Variants in YTHDC1 observed in about 807,000 individuals in gnomAD.
YTHDC1 encodes the protein YTH N6-methyladenosine RNA binding protein C1.
YTHDC1 carries 12 observed loss-of-function variants against 107.0 expected under a neutral mutation model. The ratio of observed to expected loss-of-function variants is 0.11; its 90% CI spans 0.07 to 0.18. The LOEUF is 0.18. YTHDC1 is among the 10% of genes least tolerant of loss of function. YTHDC1 has a pLI of 1.00. For synonymous variants in YTHDC1, 280 were observed against 289.5 expected (o/e 0.97, Z 0.33); for missense variants, 635 against 898.8 (o/e 0.71, Z 3.75).
At position 68,322,128 on chromosome 4, in the gene YTHDC1, T is replaced by C. The variant is rs561374786; in HGVS notation, c.1601+621A>G. Among the ~76,000 whole-genome samples, 2 of 152,320 alleles carry C rather than the reference T, an allele frequency of 1.3e-5. No homozygotes were observed. Among genetic ancestry groups the C allele is most frequent in the South Asian group, 2.1e-4 (1 of 4,830 alleles). ...TCCCCTTTGGAAAGAACCTATTGTTTTCAGAAGCTCAGCAAGATGTGTGAA... is the reference window on the plus strand; with the variant it reads ...TCCCCTTTGGAAAGAACCTATTGTTCTCAGAAGCTCAGCAAGATGTGTGAA... On this transcript the variant is annotated intron_variant, in intron 11 of 16. Coordinates refer to ENST00000344157, the MANE Select transcript of YTHDC1 (RefSeq NM_001031732.4). The surrounding 1 kb of genome is among the most constrained non-coding windows in gnomAD (Gnocchi z 4.8).
intron 12 of YTHDC1, among the ~76,000 whole-genome samples, chr4:68,319,524 A>G (rs1312502240): frequency 6.6e-6 from 1 of 152,192 alleles, no homozygotes; most frequent in African/African-American, 2.4e-5. Context: ...CACTTGTTAC[A>G]TAATAGTGCT....
chr4:68,344,379 T>C (rs1009078000), intron 1 of YTHDC1, among the ~76,000 whole-genome samples: 5 of 151,784 alleles, frequency 3.3e-5, no homozygotes, highest in East Asian at 1.9e-4. Flanking sequence ...AACATCAAAC[T>C]AGTTTTAGTA....
At position 68,347,619 on chromosome 4, in the gene YTHDC1, A is replaced by G. The variant is rs529915470; in HGVS notation, c.28+2107T>C. ...GCCAATTTCTGCAACTTATAGACTCATTTGCTATCAAGATCTTAAACCATT... is the reference window on the plus strand; with the variant it reads ...GCCAATTTCTGCAACTTATAGACTCGTTTGCTATCAAGATCTTAAACCATT... On this transcript the variant is annotated intron_variant, in intron 1 of 16. Coordinates refer to ENST00000344157, the MANE Select transcript of YTHDC1 (RefSeq NM_001031732.4). Among the ~76,000 whole-genome samples, 18 of 152,286 alleles carry G rather than the reference A, an allele frequency of 1.2e-4. No individual in the cohort carries two copies. In the East Asian group the frequency reaches 3.5e-3, roughly 29 times the overall value.
intron 1 of YTHDC1, among the ~76,000 whole-genome samples, chr4:68,347,608 C>T (rs924190082): frequency 6.6e-6 from 1 of 152,066 alleles, no homozygotes; most frequent in Non-Finnish European, 1.5e-5. Context: ...ATTTCTGCAA[C>T]TTATAGACTC....
chr4:68,345,219 T>C (rs992279654), intron 1 of YTHDC1, among the ~76,000 whole-genome samples: 1 of 152,142 alleles, frequency 6.6e-6, no homozygotes, highest in Admixed American at 6.5e-5. Flanking sequence ...ACTCTAGGGA[T>C]ATCAGGGTAG....
At position 68,325,161 on chromosome 4, in the gene YTHDC1, C is replaced by T. The variant is rs776264877; in HGVS notation, c.1350-938G>A. 2.6e-5 allele frequency among the ~76,000 whole-genome samples: 4 copies of T among 152,300 alleles called. No individual in the cohort carries two copies. In the East Asian group the frequency reaches 5.8e-4, roughly 22 times the overall value. On this transcript the variant is annotated intron_variant, in intron 9 of 16. Coordinates refer to ENST00000344157, the MANE Select transcript of YTHDC1 (RefSeq NM_001031732.4). The stretch of plus-strand genomic sequence containing the variant: ...TGTTCAGCCAAAGTACATACAAAGA[C>T]GAGAAAGATAAGAGTTTGCATCCCT...
Position 68,337,688 on chromosome 4 carries a change from T to C in YTHDC1, c.343A>G (p.Ile115Val). The C allele has an allele frequency of 6.2e-7, 1 of 1,614,170 alleles. No homozygotes were observed. Among genetic ancestry groups the C allele is most frequent in the Non-Finnish European group, 8.5e-7 (1 of 1,180,036 alleles). The change falls in exon 3 of 17, where the codon ATT becomes GTT. Residue 115 changes from isoleucine to valine, a missense_variant. Coordinates refer to ENST00000344157, the MANE Select transcript of YTHDC1 (RefSeq NM_001031732.4). ...RNKRLDADRK[I>V]RLSSSASREP... is the part of the protein sequence containing the mutation. ...CTGGAGGCACTACTTGATAGACGAA[T>C]TTTCCGATCAGCATCTAGACGCTTG...
At chr4:68,340,215 T>C (rs1207423148) in intron 1 of YTHDC1, among the ~76,000 whole-genome samples, 3 of 152,098 alleles carry the variant, frequency 2.0e-5, no homozygotes, top group African/African-American at 4.8e-5. Flanking sequence ...CTGAAGAGAA[T>C]AGTTAATACA....
At position 68,312,223 on chromosome 4, in the gene YTHDC1, A is replaced by G. The variant is rs947322189; in HGVS notation, c.*1876T>C. The G allele has an allele frequency of 6.6e-6, 1 of 152,198 alleles. No individual in the cohort carries two copies. Among genetic ancestry groups the G allele is most frequent in the Non-Finnish European group, 1.5e-5 (1 of 68,032 alleles). The allele number at this position is 152,198 out of a possible 1,614,324, so 9.4% of individuals were successfully genotyped here. A position where few individuals can be genotyped will look rare whatever the true frequency, so the allele number is the denominator to read the frequency against. Reference sequence around the variant, plus strand: ...TTGGCCCATCAATTACTACCTTTCTAATCTTGGGCAAGTTTACTAGCCTCT... The same window carrying G: ...TTGGCCCATCAATTACTACCTTTCTGATCTTGGGCAAGTTTACTAGCCTCT... On this transcript the variant is annotated 3_prime_UTR_variant, in exon 17 of 17. Transcript: ENST00000344157.
chr4:68,335,310 A>C (rs186503867), intron 4 of YTHDC1, among the ~76,000 whole-genome samples: 1 of 152,160 alleles, frequency 6.6e-6, no homozygotes, highest in Non-Finnish European at 1.5e-5. Context: ...TTTCCTGCAT[A>C]TTAATATAGT....
intron 1 of YTHDC1, among the ~76,000 whole-genome samples, chr4:68,346,066 ACTGTGTGTG>A (rs1725381959): frequency 1.0e-5 from 1 of 98,856 alleles, no homozygotes; most frequent in African/African-American, 4.0e-5. Context: ...TGTGCACATG[ACTGTGTGTG>A]TACATATATA....
At chr4:68,325,475 G>C (rs1722896533) in intron 9 of YTHDC1, among the ~76,000 whole-genome samples, 1 of 152,156 alleles carries the variant, frequency 6.6e-6, no homozygotes, top group Non-Finnish European at 1.5e-5. Flanking sequence ...GAAAACATAA[G>C]TAACTTTGCC....
At chr4:68,337,993 G>C (rs760407278) in intron 2 of YTHDC1, 93 bp from the exon 3 acceptor site, 4 of 1,490,176 alleles carry the variant, frequency 2.7e-6, no homozygotes, top group African/African-American at 2.8e-5. Flanking sequence ...CATCAGGAAG[G>C]GGGGATAGGC....
rs1722727697 is a variant in YTHDC1 at position 68,324,134 on chromosome 4, C to T, written c.1434+5G>A. ...TTTTTTAAAGAATCAATTAAGGCCA[C>T]AAACCTGTCCATCACGTCCGATCTT... On this transcript the variant is annotated splice_donor_5th_base_variant and intron_variant, in intron 10 of 16. Coordinates refer to ENST00000344157, the MANE Select transcript of YTHDC1 (RefSeq NM_001031732.4). 1 of 1,611,288 alleles carries T rather than the reference C, an allele frequency of 6.2e-7. No homozygotes were observed. Among genetic ancestry groups the T allele is most frequent in the Admixed American group, 1.7e-5 (1 of 59,486 alleles).
At chr4:68,324,328 T>C in intron 9 of YTHDC1, 105 bp from the exon 10 acceptor site, 1 of 1,003,844 alleles carries the variant, frequency 1.0e-6, no homozygotes, top group Non-Finnish European at 1.4e-6. Context: ...TAAATGTGAC[T>C]AAATTTTAAA....
chr4:68,338,388 C>CA lies in YTHDC1; in HGVS notation c.29-5dup, dbSNP rs780572527. On this transcript the variant is annotated splice_polypyrimidine_tract_variant and splice_region_variant and intron_variant, in intron 1 of 16. Transcript: ENST00000344157. ...TCCAGAACATTAAGTTCTCCATCTG[C>CA]AAATAAAATTAAAAATTAATAGGGA... is the stretch of plus-strand genomic sequence containing the variant. The CA allele has an allele frequency of 2.0e-4, 309 of 1,575,868 alleles. No homozygotes were observed. The highest frequency in any genetic ancestry group is 2.4e-4 in the Non-Finnish European group (284 of 1,163,104).
rs559549339 is a variant in YTHDC1 at position 68,349,985 on chromosome 4, C to T, written c.-232G>A. ...CCTAGGCCCAGCCTTCTCGTTAGGGCTCAGACTCGGGCTAGGTATGGGGGA... is the reference window on the plus strand; with the variant it reads ...CCTAGGCCCAGCCTTCTCGTTAGGGTTCAGACTCGGGCTAGGTATGGGGGA... On this transcript the variant is annotated 5_prime_UTR_variant, in exon 1 of 17. Coordinates refer to ENST00000344157, the MANE Select transcript of YTHDC1 (RefSeq NM_001031732.4). 1.3e-5 allele frequency: 8 copies of T among 619,996 alleles called. No individual in the cohort carries two copies. Among genetic ancestry groups the T allele is most frequent in the East Asian group, 1.1e-4 (4 of 35,706 alleles). 38.4% of individuals were successfully genotyped at this position (619,996 alleles called of 1,614,324 possible). A position where few individuals can be genotyped will look rare whatever the true frequency, so the allele number is the denominator to read the frequency against.
intron 1 of YTHDC1, among the ~76,000 whole-genome samples, chr4:68,346,109 A>ACC (rs1725412246): frequency 6.6e-6 from 1 of 150,408 alleles, no homozygotes. Flanking sequence ...ATACACACAC[A>ACC]CCTGCATGTA....
chr4:68,326,425 T>C (rs1357762743), intron 9 of YTHDC1, among the ~76,000 whole-genome samples: 1 of 152,112 alleles, frequency 6.6e-6, no homozygotes, highest in Non-Finnish European at 1.5e-5. Context: ...TCTTCTCAGA[T>C]CACAATCATA....
Sources: allele counts gnomAD v4.1 joint callset (sites outside exome capture counted in the v4.1 genomes callset), GRCh38; gene constraint gnomAD v4.1.1; non-coding constraint Gnocchi (gnomAD v3.1); transcripts MANE v1.5; gene names NCBI Gene and HGNC (gene_info 2026-07-23, HGNC 2026-07-21).